The following ABI2 variants were observed in gnomAD, a reference collection of about 807,000 sequenced individuals.
ABI2 encodes the protein abelson interactor 2.
Under a neutral mutation model 59.2 loss-of-function variants are expected in ABI2, and 25 were observed. The observed-to-expected ratio is 0.42, with a 90% CI of 0.31 to 0.59. The LOEUF (loss-of-function observed/expected upper bound fraction) is 0.59. Among genes scored for constraint, ABI2 ranks in the 20% least tolerant of loss-of-function variants. The probability of loss-of-function intolerance (pLI) is 0.14; values close to 1 mark genes in which losing one functional copy is unlikely to be tolerated. For synonymous variants in ABI2, 213 were observed against 235.5 expected (o/e 0.90, Z 0.87); for missense variants, 545 against 681.8 (o/e 0.80, Z 2.23).
chr2:203,331,560 T>G (rs147305038), intron 1 of ABI2, among the ~76,000 whole-genome samples: 3,924 of 151,970 alleles, frequency 0.026, 168 homozygotes, highest in African/African-American at 0.088. Flanking sequence ...GATTTCCCCA[T>G]TTTGGCCAGG....
At chr2:203,424,212 G>A (rs1195638125) in intron 11 of ABI2, among the ~76,000 whole-genome samples, 1 of 152,160 alleles carries the variant, frequency 6.6e-6, no homozygotes, top group Non-Finnish European at 1.5e-5. Flanking sequence ...TGAAAACACA[G>A]ATACTTTATT....
At chr2:203,364,980 C>T (rs186325865) in intron 1 of ABI2, among the ~76,000 whole-genome samples, 13 of 152,088 alleles carry the variant, frequency 8.5e-5, no homozygotes, top group East Asian at 1.9e-4. Context: ...GCAATGCTCC[C>T]GCCTCAGCCT....
chr2:203,408,833 C>CATTTTTTTTTT (rs2097537650), intron 9 of ABI2, among the ~76,000 whole-genome samples: 1 of 87,214 alleles, frequency 1.1e-5, no homozygotes, highest in East Asian at 2.5e-4. Context: ...CTTCTCCTTT[C>CATTTTTTTTTT]TTTTTTTTTT....
chr2:203,387,270 G>A (rs1449303107), intron 4 of ABI2, among the ~76,000 whole-genome samples: 1 of 152,110 alleles, frequency 6.6e-6, no homozygotes, highest in Non-Finnish European at 1.5e-5. Flanking sequence ...CATGATATTT[G>A]TAATGAATAT....
intron 5 of ABI2, among the ~76,000 whole-genome samples, chr2:203,391,925 C>CT (rs1421457437): frequency 6.6e-6 from 1 of 151,610 alleles, no homozygotes; most frequent in Non-Finnish European, 1.5e-5. Context: ...AAAAGCTTGA[C>CT]TTTTTTCTTC....
Position 203,337,341 on chromosome 2 carries a change from T to C in ABI2, c.117+8710T>C, listed in dbSNP as rs542916444. Among the ~76,000 whole-genome samples the C allele has an allele frequency of 3.0e-4, 45 of 152,344 alleles. 1 individual carries two copies. The highest frequency in any genetic ancestry group is 1.0e-3 in the African/African-American group (42 of 41,582). On this transcript the variant is annotated intron_variant, in intron 1 of 11. Transcript: ENST00000261018. Reference sequence around the variant, plus strand: ...AACATACAAAAATCTGTTGTGTTTCTACATATTAACTACAAACGATCTGAA... The same window carrying C: ...AACATACAAAAATCTGTTGTGTTTCCACATATTAACTACAAACGATCTGAA...
chr2:203,337,403 G>T (rs2076947970), intron 1 of ABI2, among the ~76,000 whole-genome samples: 1 of 152,164 alleles, frequency 6.6e-6, no homozygotes, highest in African/African-American at 2.4e-5. Context: ...ACAGCAGAAA[G>T]AATAGAATAC....
intron 11 of ABI2, among the ~76,000 whole-genome samples, chr2:203,422,181 C>G (rs976659562): frequency 6.6e-6 from 1 of 152,064 alleles, no homozygotes; most frequent in Admixed American, 6.6e-5. Context: ...GCCTGTAGTT[C>G]CAGCTACTCT....
intron 11 of ABI2, among the ~76,000 whole-genome samples, chr2:203,426,075 T>C (rs1008666706): frequency 6.6e-6 from 1 of 151,774 alleles, no homozygotes; most frequent in African/African-American, 2.4e-5. Flanking sequence ...ATGGAAAATA[T>C]TCACAATTTA....
intron 1 of ABI2, among the ~76,000 whole-genome samples, chr2:203,331,993 A>G (rs549667163): frequency 5.9e-5 from 9 of 151,490 alleles, no homozygotes; most frequent in Admixed American, 1.3e-4. Context: ...TATTTTTGGT[A>G]GAGATGGGGT....
intron 1 of ABI2, among the ~76,000 whole-genome samples, chr2:203,352,041 G>A (rs1267263608): frequency 6.6e-6 from 1 of 152,094 alleles, no homozygotes; most frequent in African/African-American, 2.4e-5. Flanking sequence ...AACCTACTTC[G>A]CTACTAGTCG....
intron 1 of ABI2, among the ~76,000 whole-genome samples, chr2:203,357,244 A>G (rs1410496299): frequency 1.3e-5 from 2 of 152,236 alleles, no homozygotes; most frequent in African/African-American, 4.8e-5. Context: ...CTAAAAATCC[A>G]GTCCTTTTAA....
intron 11 of ABI2, among the ~76,000 whole-genome samples, chr2:203,420,993 T>C (rs571262081): frequency 6.6e-6 from 1 of 151,050 alleles, no homozygotes; most frequent in South Asian, 2.1e-4. Context: ...GAGGGTGATA[T>C]GAGCACGCAA....
chr2:203,334,934 T>TA lies in ABI2; in HGVS notation c.117+6304dup, dbSNP rs1221598898. Among the ~76,000 whole-genome samples, 5 of 152,324 alleles carry TA rather than the reference T, an allele frequency of 3.3e-5. No homozygotes were observed. In the East Asian group the frequency reaches 9.6e-4, roughly 29 times the overall value. On this transcript the variant is annotated intron_variant, in intron 1 of 11. Coordinates refer to ENST00000261018, the MANE Select transcript of ABI2 (RefSeq NM_001375670.1). ...CCTCGGCCTCCCAAAGTGCTGGGAT[T>TA]ACAGCGTAAGCCACCGTGCCTGGCC...
chr2:203,330,874 T>TA (rs1170398852), intron 1 of ABI2, among the ~76,000 whole-genome samples: 1 of 152,220 alleles, frequency 6.6e-6, no homozygotes, highest in Non-Finnish European at 1.5e-5. Context: ...GCTGAAAGGT[T>TA]AAAGGCATCA....
In ABI2 at chr2:203,411,421, G is replaced by A. The variant is rs770313864; in HGVS notation, c.1279+50G>A. 8.5e-6 allele frequency: 12 copies of A among 1,411,106 alleles called. No individual in the cohort carries two copies. The African/African-American group carries it at 9.9e-5, about 12-fold the overall frequency. 87.4% of individuals were successfully genotyped at this position (1,411,106 alleles called of 1,614,324 possible). The stretch of plus-strand genomic sequence containing the variant: ...GTAGATCAGATTGTAGGCATAAAAT[G>A]TCATTTATATGTGATTGACTGGATA... On this transcript the variant is annotated intron_variant, in intron 10 of 11. Coordinates refer to ENST00000261018, the MANE Select transcript of ABI2 (RefSeq NM_001375670.1).
chr2:203,345,797 C>T (rs1348470666), intron 1 of ABI2, among the ~76,000 whole-genome samples: 2 of 151,898 alleles, frequency 1.3e-5, no homozygotes, highest in Non-Finnish European at 2.9e-5. Context: ...CCACTGGCCT[C>T]GGCCTCCCAG....
chr2:203,359,558 A>G (rs1231253587), intron 1 of ABI2, among the ~76,000 whole-genome samples: 1 of 152,222 alleles, frequency 6.6e-6, no homozygotes, highest in East Asian at 1.9e-4. Context: ...CTTCTAAAAC[A>G]AAATATCTTA....
intron 1 of ABI2, among the ~76,000 whole-genome samples, chr2:203,354,905 A>G (rs924709199): frequency 2.0e-5 from 3 of 152,246 alleles, no homozygotes; most frequent in Non-Finnish European, 4.4e-5. Flanking sequence ...AAAGGTAGTC[A>G]GTACCTCTGC....
Sources: allele counts gnomAD v4.1 joint callset (sites outside exome capture counted in the v4.1 genomes callset), GRCh38; gene constraint gnomAD v4.1.1; transcripts MANE v1.5; gene names NCBI Gene and HGNC (gene_info 2026-07-23, HGNC 2026-07-21).